Variants in ABCC3 observed in about 807,000 individuals in gnomAD.
ABCC3 encodes ATP binding cassette subfamily C member 3.
A neutral mutation model predicts 165.3 loss-of-function variants in ABCC3; 121 were observed. That is an observed-to-expected ratio of 0.73 (90% CI 0.63 to 0.85). The LOEUF is 0.85. Among genes scored for constraint, ABCC3 ranks in the 40% least tolerant of loss-of-function variants. ABCC3 has a pLI of 0.00. For synonymous variants in ABCC3, 733 were observed against 810.1 expected, an observed-to-expected ratio of 0.90 and a Z score of 1.62; for missense variants, 1,869 against 1,964.1, an observed-to-expected ratio of 0.95 and a Z score of 0.92.
rs1293387472 is a variant in ABCC3, at chr17:50,669,079, G to A, written c.1938-61G>A. 18 of 1,590,224 alleles carry A rather than the reference G, an allele frequency of 1.1e-5. No individual in the cohort carries two copies. In the Middle Eastern group the frequency reaches 5.1e-4, roughly 45 times the overall value. On this transcript the variant is annotated intron_variant, in intron 15 of 30. Transcript: ENST00000285238. The stretch of plus-strand genomic sequence containing the variant: ...GGAGGGCTTGGTTCTGCAGGTGGAG[G>A]GTTGGAGACCAAAACCCTGATCCCT...
Position 50,665,249 on chromosome 17 carries a change from G to C in ABCC3, c.1431+4G>C. The C allele has an allele frequency of 6.2e-7, 1 of 1,613,770 alleles. No homozygotes were observed. The highest frequency in any genetic ancestry group is 8.5e-7 in the Non-Finnish European group (1 of 1,179,860). On this transcript the variant is annotated splice_donor_region_variant and intron_variant, in intron 11 of 30. Coordinates refer to ENST00000285238, the MANE Select transcript of ABCC3 (RefSeq NM_003786.4). ...CGTGAAGATGCGCGCCTTCCAGGTA[G>C]GTGCTGTCAGAGGTGCATCCTCCTG...
chr17:50,687,623 C>G lies in ABCC3; in HGVS notation c.4368C>G (p.Ile1456Met). Reference protein sequence around the residue: ...ILVLDEATAAIDLETDNLIQA... With the variant: ...ILVLDEATAAMDLETDNLIQA... ...TTTTAGACGAGGCCACAGCTGCCAT[C>G]GACCTGGAGACTGACAACCTCATCC... Residue 1456 changes from isoleucine (I) to methionine (M), a missense_variant, in exon 30 of 31, where the codon ATC (isoleucine) becomes ATG (methionine). Ile to Met is a conservative substitution (Grantham distance 10, BLOSUM62 1). Transcript: ENST00000285238. 1.2e-6 allele frequency: 2 copies of G among 1,614,242 alleles called. No homozygotes were observed. The highest frequency in any genetic ancestry group is 1.7e-6 in the Non-Finnish European group (2 of 1,180,042).
Position 50,655,912 on chromosome 17 carries a change from C to A in ABCC3, c.126C>A (p.Cys42Ter). Residue 42 changes from cysteine to a stop codon, truncating the protein, a stop_gained, in exon 2 of 31, where the codon TGC (cysteine) becomes TGA (stop). Coordinates refer to ENST00000285238, the MANE Select transcript of ABCC3 (RefSeq NM_003786.4). LOFTEE classifies it high-confidence loss of function. The stretch of plus-strand genomic sequence containing the variant: ...ACTCCCTGCTGGCCTGGGTGCCCTG[C>A]ATCTACCTGTGGGTCGCCCTGCCCT... ...FQNSLLAWVP[C>*]IYLWVALPCY... 6.2e-7 allele frequency: 1 copy of A among 1,614,098 alleles called. No individual in the cohort carries two copies. Among genetic ancestry groups the A allele is most frequent in the Non-Finnish European group, 8.5e-7 (1 of 1,180,008 alleles).
In ABCC3 at chr17:50,684,695, C is replaced by T. The variant is rs368738038; in HGVS notation, c.4114-14C>T. ...CCTAAGCTGCCTCCCTCTGAGGCCA[C>T]GTTGTATCCCCAGGACCCCATCCTG... On this transcript the variant is annotated splice_polypyrimidine_tract_variant and intron_variant, in intron 28 of 30. Coordinates refer to ENST00000285238, the MANE Select transcript of ABCC3 (RefSeq NM_003786.4). 1.0e-4 allele frequency: 162 copies of T among 1,611,190 alleles called. No individual in the cohort carries two copies. Among genetic ancestry groups the T allele is most frequent in the Non-Finnish European group, 1.3e-4 (157 of 1,178,522 alleles).
intron 1 of ABCC3, among the ~76,000 whole-genome samples, chr17:50,649,748 G>A (rs1052385762): frequency 6.6e-6 from 1 of 150,996 alleles, no homozygotes; most frequent in South Asian, 2.1e-4. Context: ...AAGAGAGAGA[G>A]AGAAAGGAAG....
chr17:50,668,027 T>C lies in ABCC3; in HGVS notation c.1782+18T>C. On this transcript the variant is annotated intron_variant, in intron 13 of 30. Coordinates refer to ENST00000285238, the MANE Select transcript of ABCC3 (RefSeq NM_003786.4). ...TGACTCAGGTAACCCTGGGTAGGGC[T>C]GGGGGCTCTACTGGAGTTGGAACAG... 2 of 1,607,350 alleles carry C rather than the reference T, an allele frequency of 1.2e-6. No homozygotes were observed. Among genetic ancestry groups the C allele is most frequent in the East Asian group, 2.2e-5 (1 of 44,854 alleles).
intron 23 of ABCC3, among the ~76,000 whole-genome samples, 153 bp downstream of exon 23, chr17:50,676,741 A>G (rs1416219474): frequency 6.6e-6 from 1 of 152,244 alleles, no homozygotes; most frequent in Non-Finnish European, 1.5e-5. Flanking sequence ...TAGGGGAGCC[A>G]TTACTTAACC....
intron 11 of ABCC3, among the ~76,000 whole-genome samples, chr17:50,666,913 T>C (rs1239262535): frequency 2.6e-5 from 4 of 152,330 alleles, no homozygotes; most frequent in East Asian, 1.9e-4. Context: ...GAAAGTGCAA[T>C]GTGCTTTAGA....
intron 17 of ABCC3, among the ~76,000 whole-genome samples, chr17:50,671,702 CTTT>C (rs386386244): frequency 7.8e-4 from 44 of 56,386 alleles, no homozygotes; most frequent in Middle Eastern, 0.019. Context: ...TCCTTCCTTC[CTTT>C]TTTTTTTTTT....
In ABCC3 at chr17:50,670,230, G is replaced by A. The variant is rs568859899; in HGVS notation, c.2241+702G>A. 1.9e-3 allele frequency among the ~76,000 whole-genome samples: 292 copies of A among 152,060 alleles called. 2 individuals are homozygous for A. The Middle Eastern group carries it at 0.021, about 11-fold the overall frequency. ...CCCGAGTAGCTGGGATTACGGGTGCGCACCACCACACTTGGCTAATTTTTG... is the reference window on the plus strand; with the variant it reads ...CCCGAGTAGCTGGGATTACGGGTGCACACCACCACACTTGGCTAATTTTTG... On this transcript the variant is annotated intron_variant, in intron 17 of 30. Coordinates refer to ENST00000285238, the MANE Select transcript of ABCC3 (RefSeq NM_003786.4).
intron 5 of ABCC3, 52 bp downstream of exon 5, chr17:50,658,259 A>T: frequency 6.2e-7 from 1 of 1,613,200 alleles, no homozygotes. Flanking sequence ...CCTCAGCCCA[A>T]CTCTGACCAG....
rs947261958 is a variant in ABCC3 at position 50,655,994 on chromosome 17, T to C, written c.208T>C (p.Ser70Pro). Residue 70 changes from serine to proline, a missense_variant, in exon 2 of 31, where the codon TCC becomes CCC. Coordinates refer to ENST00000285238, the MANE Select transcript of ABCC3 (RefSeq NM_003786.4). ...TGGCTACATCATCCTCTCCCACCTG[T>C]CCAAGCTCAAGATGGTCAGTGGCTC... ...CRGYIILSHL[S>P]KLKMVLGVLL... The C allele has an allele frequency of 3.7e-6, 6 of 1,613,612 alleles. No individual in the cohort carries two copies. The highest frequency in any genetic ancestry group is 5.1e-6 in the Non-Finnish European group (6 of 1,179,836).
rs747900500 is a variant in ABCC3 at position 50,691,110 on chromosome 17, AG to A, written c.4496del (p.Gly1499GlufsTer2). 1 of 1,614,024 alleles carries A rather than the reference AG, an allele frequency of 6.2e-7. No homozygotes were observed. Among genetic ancestry groups the A allele is most frequent in the Non-Finnish European group, 8.5e-7 (1 of 1,179,898 alleles). On this transcript the variant is annotated frameshift_variant, in exon 31 of 31. Coordinates refer to ENST00000285238, the MANE Select transcript of ABCC3 (RefSeq NM_003786.4). LOFTEE classifies it high-confidence loss of function. ...TGACTAGGGTCCTGGTCCTGGACAA[AG>A]GAGTAGTAGCTGAATTTGATTCTCC... ...DYTRVLVLDK[G>X]VVAEFDSPAN...
At chr17:50,657,308 T>C in intron 4 of ABCC3, 125 bp downstream of exon 4, 1 of 1,284,416 alleles carries the variant, frequency 7.8e-7, no homozygotes, top group Admixed American at 2.3e-5. Context: ...ACAATTGTGT[T>C]GTTCTCCACT....
intron 26 of ABCC3, among the ~76,000 whole-genome samples, chr17:50,680,184 C>A (rs1967903694): frequency 6.6e-6 from 1 of 152,074 alleles, no homozygotes; most frequent in South Asian, 2.1e-4. Context: ...GCGTGGTGCA[C>A]CTGGAGAGGG....
rs1347132470 is a variant in ABCC3, at chr17:50,675,481, G to A, written c.2714+5G>A. On this transcript the variant is annotated splice_donor_5th_base_variant and intron_variant, in intron 20 of 30. Coordinates refer to ENST00000285238, the MANE Select transcript of ABCC3 (RefSeq NM_003786.4). ...GGTCCAGAAGCAGTTTATGAGGTGA[G>A]TTCCTGAGAGCTCCCAGCCCTCCCG... The A allele has an allele frequency of 5.6e-6, 9 of 1,611,126 alleles. No homozygotes were observed. The highest frequency in any genetic ancestry group is 3.3e-5 in the Admixed American group (2 of 59,760).
chr17:50,676,442 G>A lies in ABCC3; in HGVS notation c.3232G>A (p.Val1078Ile), dbSNP rs1318354542. The A allele has an allele frequency of 1.2e-6, 2 of 1,614,208 alleles. No homozygotes were observed. The highest frequency in any genetic ancestry group is 1.7e-6 in the Non-Finnish European group (2 of 1,180,042). Residue 1078 changes from valine to isoleucine, a missense_variant, in exon 23 of 31, where the codon GTC (valine) becomes ATC (isoleucine). Val to Ile is a conservative substitution (Grantham distance 29, BLOSUM62 3). Transcript: ENST00000285238. ...ILNCFSKDIY[V>I]VDEVLAPVIL... ...GAACTGCTTCTCCAAGGACATCTAT[G>A]TCGTTGATGAGGTTCTGGCCCCTGT...
chr17:50,644,111 G>A (rs1293503355), intron 1 of ABCC3, among the ~76,000 whole-genome samples: 1 of 151,706 alleles, frequency 6.6e-6, no homozygotes, highest in Non-Finnish European at 1.5e-5. Context: ...AGGAGTTCGA[G>A]ACCAGCCTGA....
Position 50,687,299 on chromosome 17 carries a change from G to A in ABCC3, c.4281-237G>A, listed in dbSNP as rs1968039840. The A allele has an allele frequency of 1.4e-5, 7 of 492,654 alleles. No individual in the cohort carries two copies. In the South Asian group the frequency reaches 1.9e-4, roughly 13 times the overall value. The allele number at this position is 492,654 out of a possible 1,614,324, so 30.5% of individuals were successfully genotyped here. A position where few individuals can be genotyped will look rare whatever the true frequency, so the allele number is the denominator to read the frequency against. ...CGAGAGAGGAGGCCAAGGGTGCCAA[G>A]AGCAGACCAGGGATTTCACAATGCC... On this transcript the variant is annotated intron_variant, in intron 29 of 30. Coordinates refer to ENST00000285238, the MANE Select transcript of ABCC3 (RefSeq NM_003786.4).
Sources: gnomAD v4.1 joint callset for allele counts (sites outside exome capture counted in the v4.1 genomes callset) on GRCh38, gnomAD v4.1.1 for gene constraint, MANE v1.5 for transcripts, NCBI Gene and HGNC (gene_info 2026-07-23, HGNC 2026-07-21) for gene names.